UNC13D: variants seen among roughly 807,000 people sequenced by gnomAD.
The protein encoded by UNC13D is protein unc-13 homolog D.
A neutral mutation model predicts 151.7 loss-of-function variants in UNC13D; 115 were observed. The observed-to-expected ratio is 0.76, with a 90% confidence interval of 0.65 to 0.88. The LOEUF (loss-of-function observed/expected upper bound fraction) is 0.88. Among genes scored for constraint, UNC13D ranks in the 40% least tolerant of loss-of-function variants. UNC13D has a pLI of 0.00. For synonymous variants in UNC13D, 588 were observed against 612.2 expected, an observed-to-expected ratio of 0.96 and a Z score of 0.58; for missense variants, 1,369 against 1,438.7, an observed-to-expected ratio of 0.95 and a Z score of 0.78.
rs2064941463 is a variant in UNC13D, at chr17:75,840,669, A to G, written c.683+93T>C. The G allele has an allele frequency of 6.8e-6, 11 of 1,610,856 alleles. No homozygotes were observed. The highest frequency in any genetic ancestry group is 1.7e-5 in the Admixed American group (1 of 60,006). ...CCCGGCCGCAGCCACCTGGACCCCA[A>G]AGGAGCCTGCACCCCAGCATCCAGT... On this transcript the variant is annotated intron_variant, in intron 8 of 31. Transcript: ENST00000207549. This position sits in a 1 kb window ranked among gnomAD's most constrained non-coding sequence, Gnocchi z 4.6.
chr17:75,840,863 G>C lies in UNC13D; in HGVS notation c.615-33C>G. The C allele has an allele frequency of 6.2e-7, 1 of 1,614,048 alleles. No homozygotes were observed. Among genetic ancestry groups the C allele is most frequent in the Non-Finnish European group, 8.5e-7 (1 of 1,179,996 alleles). ...GACAGAGGTTTGAGAAGGAAGCAGA[G>C]AGAGTGCCTACGACCTCTTCCAGGA... On this transcript the variant is annotated intron_variant, in intron 7 of 31. Transcript: ENST00000207549. The surrounding 1 kb of genome is among the most constrained non-coding windows in gnomAD (Gnocchi z 4.6).
Position 75,843,050 on chromosome 17 carries a change from C to T in UNC13D, c.285G>A (p.Glu95=), listed in dbSNP as rs2064960299. ...LQEAFHVEPE[E]HQQTLQRVRE... ...TGACCCGCTGCAGTGTCTGCTGGTG[C>T]TCCTCGGGCTCCACGTGGAAGGCCT... The change falls in exon 4 of 32, where the codon GAG becomes GAA. Residue 95 remains glutamate, a synonymous_variant. Transcript: ENST00000207549. The T allele has an allele frequency of 1.2e-6, 2 of 1,610,372 alleles. No homozygotes were observed. The highest frequency in any genetic ancestry group is 1.7e-6 in the Non-Finnish European group (2 of 1,179,576).
rs756549398 is a variant in UNC13D at position 75,830,441 on chromosome 17, C to G, written c.2751G>C (p.Lys917Asn). The change falls in exon 29 of 32, where the codon AAG becomes AAC. Residue 917 changes from lysine to asparagine, a missense_variant. This residue lies in a region of UNC13D where 807 missense variants were observed against 795.5 expected (regional missense o/e 1.01). Transcript: ENST00000207549. ...TCTGCTCAGAGGCGCGGTAGGAGGCCTTGACTGTCACAGCCCCCAGCTCCT... is the reference window on the plus strand; with the variant it reads ...TCTGCTCAGAGGCGCGGTAGGAGGCGTTGACTGTCACAGCCCCCAGCTCCT... ...TSEELGAVTV[K>N]ASYRASEQKL... 1 of 1,586,426 alleles carries G rather than the reference C, an allele frequency of 6.3e-7. No homozygotes were observed. Among genetic ancestry groups the G allele is most frequent in the African/African-American group, 1.3e-5 (1 of 74,638 alleles).
chr17:75,843,251 C>G lies in UNC13D; in HGVS notation c.169G>C (p.Glu57Gln). 2 of 1,608,522 alleles carry G rather than the reference C, an allele frequency of 1.2e-6. No homozygotes were observed. The highest frequency in any genetic ancestry group is 1.7e-6 in the Non-Finnish European group (2 of 1,179,928). ...FSPEQRALLYEDALYTVLHRL... is the reference protein window; with the variant it reads ...FSPEQRALLYQDALYTVLHRL... The stretch of plus-strand genomic sequence containing the variant: ...TGCAAGACAGTGTAGAGTGCGTCCT[C>G]GTAGAGCAGGGCCCGCTAAGACACA... The change falls in exon 3 of 32, where the codon GAG becomes CAG. Residue 57 changes from glutamate to glutamine, a missense_variant. This residue lies in a region of UNC13D where 550 missense variants were observed against 609.0 expected (regional missense o/e 0.90). Transcript: ENST00000207549.
In UNC13D at chr17:75,843,473, C is replaced by T; in HGVS notation, c.153+11G>A. 6.2e-7 allele frequency: 1 copy of T among 1,607,076 alleles called. No homozygotes were observed. The highest frequency in any genetic ancestry group is 8.5e-7 in the Non-Finnish European group (1 of 1,177,522). ...CCCCACCTCTCTGCACCCCAGCACT[C>T]TGACTCTTACCTGCTCGGGGGAGAA... is the stretch of plus-strand genomic sequence containing the variant. On this transcript the variant is annotated intron_variant, in intron 2 of 31. Transcript: ENST00000207549.
Position 75,830,103 on chromosome 17 carries a change from A to C in UNC13D, c.2879T>G (p.Phe960Cys). The change falls in exon 30 of 32, where the codon TTC (phenylalanine) becomes TGC (cysteine). Residue 960 changes from phenylalanine to cysteine, a missense_variant. By Grantham distance (205) the Phe-to-Cys change is radical (BLOSUM62 -2). Around this residue, in one of 3 missense-constraint regions of UNC13D, gnomAD observed 807 missense variants for 795.5 expected, o/e 1.01. Coordinates refer to ENST00000207549, the MANE Select transcript of UNC13D (RefSeq NM_199242.3). Reference sequence around the variant, plus strand: ...GGTCTCCCGGGCGGCCAGCTCAGGGAACTCATGCCTGGGCTCCAAGGTCAG... The same window carrying C: ...GGTCTCCCGGGCGGCCAGCTCAGGGCACTCATGCCTGGGCTCCAAGGTCAG... ...VQLTLEPRHE[F>C]PELAARETQK... is the part of the protein sequence containing the mutation. 1 of 1,584,676 alleles carries C rather than the reference A, an allele frequency of 6.3e-7. No homozygotes were observed. The highest frequency in any genetic ancestry group is 8.6e-7 in the Non-Finnish European group (1 of 1,165,586).
chr17:75,839,078 C>T (rs1281547725), intron 12 of UNC13D, among the ~76,000 whole-genome samples: 1 of 149,360 alleles, frequency 6.7e-6, no homozygotes, highest in East Asian at 2.0e-4. Context: ...CCGGCCTGGG[C>T]GAAAGAGCAA....
rs1159879326 is a variant in UNC13D, at chr17:75,831,128, T to C, written c.2595A>G (p.Pro865=). 6.2e-7 allele frequency: 1 copy of C among 1,613,812 alleles called. No homozygotes were observed. The highest frequency in any genetic ancestry group is 1.3e-5 in the African/African-American group (1 of 74,930). Residue 865 remains proline, a synonymous_variant, in exon 27 of 32, where the codon CCA becomes CCG. Transcript: ENST00000207549. ...ICFHAEGCGL[P]PKALHTATFQ... ...AGGTGGCAGTGTGCAGGGCCTTGGG[T>C]GGCAGGCCACAGCCCTCAGCGTGGA... is the stretch of plus-strand genomic sequence containing the variant.
In UNC13D at chr17:75,841,834, C is replaced by T. The variant is rs574720096; in HGVS notation, c.569+599G>A. 7.9e-5 allele frequency among the ~76,000 whole-genome samples: 12 copies of T among 151,400 alleles called. No individual in the cohort carries two copies. The South Asian group carries it at 1.0e-3, about 13-fold the overall frequency. Reference sequence around the variant, plus strand: ...TGCTATCTCGGCTCACTGCAACCTCCGCCTCCCAGGTTCAAGCGATTCCCC... The same window carrying T: ...TGCTATCTCGGCTCACTGCAACCTCTGCCTCCCAGGTTCAAGCGATTCCCC... On this transcript the variant is annotated intron_variant, in intron 6 of 31. Coordinates refer to ENST00000207549, the MANE Select transcript of UNC13D (RefSeq NM_199242.3).
chr17:75,838,570 C>A (rs2064925116), intron 12 of UNC13D, among the ~76,000 whole-genome samples: 1 of 152,126 alleles, frequency 6.6e-6, no homozygotes, highest in South Asian at 2.1e-4. Context: ...GCTGTGACCC[C>A]CTGTGCCCTC....
Position 75,830,397 on chromosome 17 carries a change from A to T in UNC13D, c.2795T>A (p.Leu932His). 6.3e-7 allele frequency: 1 copy of T among 1,590,276 alleles called. No homozygotes were observed. The highest frequency in any genetic ancestry group is 8.5e-7 in the Non-Finnish European group (1 of 1,170,226). ...ASEQKLRVEL[L>H]SASSLLPLDS... is the part of the protein sequence containing the mutation. ...CAGGGGCAGCAGGCTGGAGGCGCTG[A>T]GCAGCTCCACACGCAGCTTCTGCTC... The change falls in exon 29 of 32, where the codon CTC (leucine) becomes CAC (histidine). Residue 932 changes from leucine to histidine, a missense_variant. By Grantham distance (99) the Leu-to-His change is moderately conservative (BLOSUM62 -3). Transcript: ENST00000207549.
chr17:75,833,987 A>G lies in UNC13D; in HGVS notation c.2367+88T>C, dbSNP rs1208070059. 4.6e-6 allele frequency: 7 copies of G among 1,519,072 alleles called. No individual in the cohort carries two copies. Among genetic ancestry groups the G allele is most frequent in the Non-Finnish European group, 6.4e-6 (7 of 1,098,228 alleles). 94.1% of individuals were successfully genotyped at this position (1,519,072 alleles called of 1,614,324 possible). ...GAACATGCTTTGCCTGGTCTGGGGG[A>G]CTTATCTTTGACACCAAGGCCTTCA... On this transcript the variant is annotated intron_variant, in intron 24 of 31. Coordinates refer to ENST00000207549, the MANE Select transcript of UNC13D (RefSeq NM_199242.3). The surrounding 1 kb of genome is among the most constrained non-coding windows in gnomAD (Gnocchi z 4.0).
Position 75,832,941 on chromosome 17 carries a change from G to A in UNC13D, c.2447+25C>T, listed in dbSNP as rs567783495. On this transcript the variant is annotated intron_variant, in intron 25 of 31. Coordinates refer to ENST00000207549, the MANE Select transcript of UNC13D (RefSeq NM_199242.3). This position sits in a 1 kb window ranked among gnomAD's most constrained non-coding sequence, Gnocchi z 4.3. ...GAGGAGAGGGGGAGGTGGCGAGCGC[G>A]CCCAGGGCAGGGGCTGCTACAGACC... 4.8e-4 allele frequency: 749 copies of A among 1,562,088 alleles called. 1 individual carries two copies. The highest frequency in any genetic ancestry group is 6.1e-4 in the Non-Finnish European group (707 of 1,151,318).
rs901069928 is a variant in UNC13D, at chr17:75,840,899, C to G, written c.614+58G>C. On this transcript the variant is annotated intron_variant, in intron 7 of 31. Transcript: ENST00000207549. The surrounding 1 kb of genome is among the most constrained non-coding windows in gnomAD (Gnocchi z 4.6). Reference sequence around the variant, plus strand: ...CGACCTCTTCCAGGAGGAGGTTCCGCCTCTCTCACCCCAGATCCCTTCCCT... The same window carrying G: ...CGACCTCTTCCAGGAGGAGGTTCCGGCTCTCTCACCCCAGATCCCTTCCCT... The G allele has an allele frequency of 6.2e-7, 1 of 1,613,966 alleles. No individual in the cohort carries two copies. The highest frequency in any genetic ancestry group is 1.6e-4 in the Middle Eastern group (1 of 6,062).
At chr17:75,843,738 C>T (rs1027793606) in intron 1 of UNC13D, 72 of 1,427,484 alleles carry the variant, frequency 5.0e-5, no homozygotes, top group Admixed American at 4.5e-4. Context: ...CCCAGCAGCG[C>T]GAGCCCTCCG....
Position 75,834,428 on chromosome 17 carries a change from A to G in UNC13D, c.2195T>C (p.Leu732Pro). The stretch of plus-strand genomic sequence containing the variant: ...CGTGTTCTGCAGCTGCCCCTGCTCC[A>G]GCACGGCCCCTACCCGCTGCTCCAG... Reference protein sequence around the residue: ...EALEQRVGAVLEQGQLQNTLH... With the variant: ...EALEQRVGAVPEQGQLQNTLH... Residue 732 changes from leucine (L) to proline (P), a missense_variant, in exon 23 of 32, where the codon CTG becomes CCG. This residue lies in a region of UNC13D where 807 missense variants were observed against 795.5 expected (regional missense o/e 1.01). Transcript: ENST00000207549. The G allele has an allele frequency of 6.4e-7, 1 of 1,571,836 alleles. No individual in the cohort carries two copies. The highest frequency in any genetic ancestry group is 8.6e-7 in the Non-Finnish European group (1 of 1,164,634).
chr17:75,829,035 C>T (rs374946979), intron 30 of UNC13D, 52 bp from the exon 31 acceptor site: 1 of 1,581,052 alleles, frequency 6.3e-7, no homozygotes, highest in Non-Finnish European at 8.5e-7. Flanking sequence ...CCACCCCAGC[C>T]TCGGCACATG....
Position 75,840,075 on chromosome 17 carries a change from G to A in UNC13D, c.894C>T (p.Tyr298=). The A allele has an allele frequency of 1.9e-6, 3 of 1,613,514 alleles. No homozygotes were observed. Among genetic ancestry groups the A allele is most frequent in the African/African-American group, 1.3e-5 (1 of 75,040 alleles). ...ATSASRSQPS[Y]TVHLHLLQQL... is the part of the protein sequence containing the mutation. ...GCTGCAGGAGGTGGAGGTGCACGGT[G>A]TAGCTCGGCTGCGAGCGGCTGGCCG... is the stretch of plus-strand genomic sequence containing the variant. Residue 298 remains tyrosine (Y), a synonymous_variant, in exon 11 of 32, where the codon TAC becomes TAT. Transcript: ENST00000207549. The surrounding 1 kb of genome is among the most constrained non-coding windows in gnomAD (Gnocchi z 4.6).
rs995281561 is a variant in UNC13D at position 75,842,570 on chromosome 17, T to C, written c.432A>G (p.Val144=). ...PYCLLGIEQG[V]GVPGGSPGSR... is the part of the protein sequence containing the mutation. ...ACCCGGGGCTGCCCCCTGGCACACC[T>C]ACCCCCTGCTCAATGCCCAGCAGGC... Residue 144 remains valine (V), a synonymous_variant, in exon 6 of 32, where the codon GTA becomes GTG. Coordinates refer to ENST00000207549, the MANE Select transcript of UNC13D (RefSeq NM_199242.3). 1 of 1,611,558 alleles carries C rather than the reference T, an allele frequency of 6.2e-7. No homozygotes were observed. The highest frequency in any genetic ancestry group is 8.5e-7 in the Non-Finnish European group (1 of 1,179,130).
Sources: allele counts gnomAD v4.1 joint callset (sites outside exome capture counted in the v4.1 genomes callset), GRCh38; gene constraint gnomAD v4.1.1; regional missense constraint gnomAD v4.1.1; non-coding constraint Gnocchi (gnomAD v3.1); transcripts MANE v1.5; gene names NCBI Gene and HGNC (gene_info 2026-07-23, HGNC 2026-07-21).